The following ECHDC1 variants were observed in gnomAD, a reference collection of about 807,000 sequenced individuals.
ECHDC1 encodes ethylmalonyl-CoA decarboxylase.
ECHDC1 carries 29 observed loss-of-function variants against 29.7 expected under a neutral mutation model. That is an observed-to-expected ratio of 0.98 (90% CI 0.73 to 1.33). The LOEUF (loss-of-function observed/expected upper bound fraction) is 1.33. Ranked by LOEUF, ECHDC1 falls within the 40% of genes most tolerant of loss-of-function variation. ECHDC1 has a pLI of 0.00. For synonymous variants in ECHDC1, 126 were observed against 123.1 expected, an observed-to-expected ratio of 1.02 and a Z score of -0.15; for missense variants, 328 against 350.0, an observed-to-expected ratio of 0.94 and a Z score of 0.50.
At position 127,289,929 on chromosome 6, in the gene ECHDC1, T is replaced by G. The variant is rs1779976945; in HGVS notation, c.846A>C (p.Thr282=). Reference sequence around the variant, plus strand: ...CTAAATTTGCAGGCCCACCCCAAACTGTTCCTAAAAGATCTCTTTCGTTCT... The same window carrying G: ...CTAAATTTGCAGGCCCACCCCAAACGGTTCCTAAAAGATCTCTTTCGTTCT... ...ALQNERDLLG[T]VWGGPANLEA... The change falls in exon 6 of 6, where the codon ACA becomes ACC. Residue 282 remains threonine, a synonymous_variant. Transcript: ENST00000454859. The G allele has an allele frequency of 6.2e-7, 1 of 1,613,430 alleles. No homozygotes were observed. Among genetic ancestry groups the G allele is most frequent in the South Asian group, 1.1e-5 (1 of 91,046 alleles).
intron 5 of ECHDC1, among the ~76,000 whole-genome samples, chr6:127,307,387 T>G (rs989932679): frequency 3.3e-5 from 5 of 152,080 alleles, no homozygotes; most frequent in Admixed American, 3.3e-4. Flanking sequence ...TCCCAACACT[T>G]TGGGAGACCA....
chr6:127,293,376 G>A (rs1280485620), intron 5 of ECHDC1, among the ~76,000 whole-genome samples: 1 of 152,158 alleles, frequency 6.6e-6, no homozygotes, highest in Non-Finnish European at 1.5e-5. Flanking sequence ...TTGGAAGAGT[G>A]TACAGCTTTG....
At chr6:127,295,360 T>C (rs1185234060) in intron 5 of ECHDC1, among the ~76,000 whole-genome samples, 1 of 152,086 alleles carries the variant, frequency 6.6e-6, no homozygotes, top group African/African-American at 2.4e-5. Context: ...GCATTAGAGG[T>C]TGAAAACAGA....
intron 5 of ECHDC1, chr6:127,312,984 A>G (rs1229424601): frequency 6.6e-6 from 1 of 152,154 alleles, no homozygotes; most frequent in African/African-American, 2.4e-5. Context: ...TTAAAAATCT[A>G]CTTTAAAGTG....
At position 127,291,901 on chromosome 6, in the gene ECHDC1, A is replaced by C. The variant is rs539058160; in HGVS notation, c.498-1624T>G. On this transcript the variant is annotated intron_variant, in intron 5 of 5. Transcript: ENST00000454859. ...GAGGCAAATAGCTATGAAAAATAATAGTTTTCAAGAAATAATTTTAAAATT... is the reference window on the plus strand; with the variant it reads ...GAGGCAAATAGCTATGAAAAATAATCGTTTTCAAGAAATAATTTTAAAATT... Among the ~76,000 whole-genome samples, 6 of 152,280 alleles carry C rather than the reference A, an allele frequency of 3.9e-5. No homozygotes were observed. In the South Asian group the frequency reaches 1.2e-3, roughly 32 times the overall value.
Position 127,316,267 on chromosome 6 carries a change from T to A in ECHDC1, c.416+183A>T. ...ATTTCTCTTATTTTTAAAATACATA[T>A]GTATATACTTCATTAACATGTAATT... On this transcript the variant is annotated intron_variant, in intron 4 of 5. Transcript: ENST00000454859. The A allele has an allele frequency of 3.9e-5, 21 of 544,348 alleles. No individual in the cohort carries two copies. In the South Asian group the frequency reaches 4.6e-4, roughly 12 times the overall value. 33.7% of individuals were successfully genotyped at this position (544,348 alleles called of 1,614,324 possible).
At chr6:127,316,412 C>A (rs1782381533) in intron 4 of ECHDC1, 38 bp downstream of exon 4, 2 of 1,554,566 alleles carry the variant, frequency 1.3e-6, no homozygotes, top group South Asian at 1.2e-5. Context: ...TATTTTTGGT[C>A]TTTTAGAAAT....
At chr6:127,295,979 A>C (rs1285836287) in intron 5 of ECHDC1, among the ~76,000 whole-genome samples, 1 of 152,224 alleles carries the variant, frequency 6.6e-6, no homozygotes, top group African/African-American at 2.4e-5. Flanking sequence ...ATTTGGAAAA[A>C]AGATGAAATA....
chr6:127,299,174 T>C (rs1780858681), intron 5 of ECHDC1, among the ~76,000 whole-genome samples: 1 of 152,088 alleles, frequency 6.6e-6, no homozygotes, highest in African/African-American at 2.4e-5. Flanking sequence ...ACCTATACTT[T>C]TTATGTTATT....
chr6:127,298,249 T>C (rs1269330103), intron 5 of ECHDC1, among the ~76,000 whole-genome samples: 1 of 152,170 alleles, frequency 6.6e-6, no homozygotes, highest in African/African-American at 2.4e-5. Flanking sequence ...AATTAAAAAA[T>C]ACAATTCCAG....
intron 5 of ECHDC1, among the ~76,000 whole-genome samples, chr6:127,301,785 T>A (rs1168678855): frequency 1.3e-5 from 2 of 152,230 alleles, no homozygotes; most frequent in African/African-American, 4.8e-5. Flanking sequence ...AATTTCTTCT[T>A]CATTTTTAAA....
intron 1 of ECHDC1, among the ~76,000 whole-genome samples, chr6:127,332,334 T>C (rs936826619): frequency 6.6e-6 from 1 of 152,242 alleles, no homozygotes; most frequent in African/African-American, 2.4e-5. Context: ...GTATTCTATT[T>C]GTGAACCCAA....
chr6:127,293,095 A>T (rs1346571444), intron 5 of ECHDC1, among the ~76,000 whole-genome samples: 1 of 152,130 alleles, frequency 6.6e-6, no homozygotes, highest in Non-Finnish European at 1.5e-5. Context: ...GGAAAGAGTT[A>T]CACCTTTGAC....
chr6:127,325,919 T>A (rs1430666018), intron 3 of ECHDC1, among the ~76,000 whole-genome samples: 1 of 152,074 alleles, frequency 6.6e-6, no homozygotes, highest in Admixed American at 6.5e-5. Flanking sequence ...TCCAGGCTAG[T>A]GTTGAACTCC....
chr6:127,328,790 G>C (rs903325028), intron 2 of ECHDC1, among the ~76,000 whole-genome samples: 1 of 152,162 alleles, frequency 6.6e-6, no homozygotes, highest in African/African-American at 2.4e-5. Flanking sequence ...ACTTTGGGAG[G>C]CCAAGGCGGG....
intron 5 of ECHDC1, among the ~76,000 whole-genome samples, chr6:127,303,129 A>G (rs1386246013): frequency 6.6e-6 from 1 of 152,142 alleles, no homozygotes; most frequent in Non-Finnish European, 1.5e-5. Context: ...CATAAATTAT[A>G]AAAAGAAAAA....
At chr6:127,294,631 G>A (rs919798596) in intron 5 of ECHDC1, 2 of 152,056 alleles carry the variant, frequency 1.3e-5, no homozygotes, top group Non-Finnish European at 2.9e-5. Context: ...GTGGTTGTGA[G>A]GGGGGGAGCA....
intron 4 of ECHDC1, chr6:127,315,939 T>C (rs747411592): frequency 2.5e-5 from 12 of 470,742 alleles, no homozygotes; most frequent in South Asian, 1.4e-4. Flanking sequence ...CATACCTTGA[T>C]AGGCCAAGAA....
Position 127,330,905 on chromosome 6 carries a change from GAA to G in ECHDC1, c.122_123del (p.Leu41ProfsTer9), listed in dbSNP as rs765992183. ...TCAATGGATCCACCAGGAAACTGCT[GAA>G]GTGTTTTTTTCACTTCTTCCTCATA... ...GFYEEEVKKT[L>X]QQFPGGSIDL... On this transcript the variant is annotated frameshift_variant, in exon 2 of 6. Transcript: ENST00000454859. LOFTEE classifies it high-confidence loss of function. The G allele has an allele frequency of 6.8e-6, 11 of 1,614,016 alleles. No homozygotes were observed. The Admixed American group carries it at 1.7e-4, about 24-fold the overall frequency.
Sources: gnomAD v4.1 joint callset for allele counts (sites outside exome capture counted in the v4.1 genomes callset) on GRCh38, gnomAD v4.1.1 for gene constraint, MANE v1.5 for transcripts, NCBI Gene and HGNC (gene_info 2026-07-23, HGNC 2026-07-21) for gene names.